COL5A2: variants seen among roughly 807,000 people sequenced by gnomAD.
The protein encoded by COL5A2 is collagen type V alpha 2 chain.
In COL5A2, 23 loss-of-function variants were observed where a neutral mutation model predicts 208.2. The observed-to-expected ratio is 0.11, with a 90% CI of 0.08 to 0.16. The LOEUF is 0.16. COL5A2 is among the 10% of genes least tolerant of loss of function. The pLI is 1.00. For synonymous variants in COL5A2, 625 were observed against 628.5 expected, an observed-to-expected ratio of 0.99 and a Z score of 0.08; for missense variants, 1,590 against 1,956.4, an observed-to-expected ratio of 0.81 and a Z score of 3.53.
At chr2:189,045,255 A>G in intron 46 of COL5A2, 23 bp from the exon 47 acceptor site, 1 of 1,575,544 alleles carries the variant, frequency 6.3e-7, no homozygotes, top group Non-Finnish European at 8.7e-7. Context: ...TACAACAAAA[A>G]AAATTGGCAT....
At chr2:189,314,582 A>T in the COL5A2 span, among the ~76,000 whole-genome samples, 1 of 152,130 alleles carries the variant, frequency 6.6e-6, no homozygotes, top group Non-Finnish European at 1.5e-5. Context: ...AAATAACCAA[A>T]AACACAGCTG....
intron 41 of COL5A2, among the ~76,000 whole-genome samples, chr2:189,051,800 T>C (rs988999217): frequency 6.6e-6 from 1 of 152,246 alleles, no homozygotes; most frequent in Non-Finnish European, 1.5e-5. Flanking sequence ...AATACTTTAT[T>C]CTGAGATAAT....
intron 17 of COL5A2, among the ~76,000 whole-genome samples, chr2:189,073,629 T>A (rs1218141172): frequency 6.6e-6 from 1 of 152,146 alleles, no homozygotes; most frequent in African/African-American, 2.4e-5. Flanking sequence ...ACATGATGCC[T>A]ACAATATAAG....
At chr2:189,168,014 C>T (rs904140096) in intron 1 of COL5A2, among the ~76,000 whole-genome samples, 6 of 150,122 alleles carry the variant, frequency 4.0e-5, no homozygotes, top group East Asian at 2.0e-4. Flanking sequence ...CTCGGCTCAC[C>T]GCAAGCTCCG....
At chr2:189,361,341 C>A in the COL5A2 span, among the ~76,000 whole-genome samples, 3 of 152,050 alleles carry the variant, frequency 2.0e-5, no homozygotes, top group Non-Finnish European at 2.9e-5. Flanking sequence ...GCTGTGCTGA[C>A]CCCTTCATTA....
chr2:189,103,693 C>T (rs1687094497), intron 3 of COL5A2, among the ~76,000 whole-genome samples: 1 of 152,026 alleles, frequency 6.6e-6, no homozygotes, highest in South Asian at 2.1e-4. Flanking sequence ...AAGTGTAAAG[C>T]TTGTGTCCAG....
intron 46 of COL5A2, 110 bp from the exon 47 acceptor site, chr2:189,045,342 G>A (rs75005970): frequency 6.6e-4 from 156 of 235,138 alleles, no homozygotes; most frequent in South Asian, 1.2e-3. Flanking sequence ...ATATATATAT[G>A]TGTGTGTGTG....
At chr2:189,370,224 T>C in the COL5A2 span, among the ~76,000 whole-genome samples, 1 of 152,184 alleles carries the variant, frequency 6.6e-6, no homozygotes, top group African/African-American at 2.4e-5. Flanking sequence ...CAATGAGTTA[T>C]GAAGTCTAAG....
chr2:189,152,615 GA>G (rs1688167120), intron 1 of COL5A2, among the ~76,000 whole-genome samples: 3 of 152,160 alleles, frequency 2.0e-5, no homozygotes, highest in Non-Finnish European at 2.9e-5. Context: ...CACCCCCTGG[GA>G]AAATAGTTGC....
chr2:189,292,990 A>G, the COL5A2 span, among the ~76,000 whole-genome samples: 1 of 152,116 alleles, frequency 6.6e-6, no homozygotes, highest in Non-Finnish European at 1.5e-5. Context: ...CATTCTCAGT[A>G]AACTACCGCA....
upstream of COL5A2, among the ~76,000 whole-genome samples, chr2:189,225,664 G>T (rs1173284916): frequency 6.6e-6 from 1 of 151,666 alleles, no homozygotes; most frequent in Non-Finnish European, 1.5e-5. Flanking sequence ...TTCCAGCTAT[G>T]AAAAATAAGA....
chr2:189,295,598 G>A, the COL5A2 span, among the ~76,000 whole-genome samples: 57 of 152,176 alleles, frequency 3.7e-4, no homozygotes, highest in African/African-American at 1.3e-3. Flanking sequence ...CTGGGTGACC[G>A]AATGAGACTC....
At chr2:189,075,294 G>A (rs1686380471) in intron 17 of COL5A2, 99 bp downstream of exon 17, 1 of 825,084 alleles carries the variant, frequency 1.2e-6, no homozygotes, top group Non-Finnish European at 2.1e-6. Flanking sequence ...TATTCCAAGT[G>A]TCTGGCATGT....
At chr2:189,244,480 C>T in the COL5A2 span, among the ~76,000 whole-genome samples, 4,468 of 152,222 alleles carry the variant, frequency 0.029, 76 homozygotes, top group Admixed American at 0.046. Flanking sequence ...GCTCCAGGTC[C>T]CAACAAGTTC....
the COL5A2 span, among the ~76,000 whole-genome samples, chr2:189,240,188 C>A: frequency 6.6e-6 from 1 of 152,178 alleles, no homozygotes; most frequent in African/African-American, 2.4e-5. Context: ...GGTCAGGCTG[C>A]TATAACAAAA....
intron 1 of COL5A2, among the ~76,000 whole-genome samples, chr2:189,111,681 T>C (rs1405965886): frequency 6.6e-6 from 1 of 152,168 alleles, no homozygotes; most frequent in Non-Finnish European, 1.5e-5. Context: ...ATTCATTGTG[T>C]ATTATATGCT....
rs1175370532 is a variant in COL5A2 at position 189,094,588 on chromosome 2, G to GACACACACACACACACACACACACAC, written c.457-2194_457-2169dup. Among the ~76,000 whole-genome samples, 32 of 11,686 alleles carry GACACACACACACACACACACACACAC rather than the reference G, an allele frequency of 2.7e-3. 4 individuals carry two copies. Among genetic ancestry groups the GACACACACACACACACACACACACAC allele is most frequent in the East Asian group, 6.8e-3 (2 of 296 alleles). The allele number at this position is 11,686 out of a possible 152,430, so 7.7% of individuals were successfully genotyped here. A position where few individuals can be genotyped will look rare whatever the true frequency, so the allele number is the denominator to read the frequency against. On this transcript the variant is annotated intron_variant, in intron 6 of 53. Coordinates refer to ENST00000374866, the MANE Select transcript of COL5A2 (RefSeq NM_000393.5). ...TTTCTCTCTCTCTCTCTTTCTCTCT[G>GACACACACACACACACACACACACAC]ACACACACACACACACACACACACA...
chr2:189,238,869 G>C, the COL5A2 span, among the ~76,000 whole-genome samples: 1 of 152,094 alleles, frequency 6.6e-6, no homozygotes, highest in African/African-American at 2.4e-5. Flanking sequence ...TCTAATTCGA[G>C]ATAAGATTTG....
intron 43 of COL5A2, among the ~76,000 whole-genome samples, chr2:189,050,329 T>C (rs561149921): frequency 6.6e-6 from 1 of 152,264 alleles, no homozygotes; most frequent in African/African-American, 2.4e-5. Context: ...TCACCAAAAA[T>C]CCATATCCTT....
Sources: allele counts gnomAD v4.1 joint callset (sites outside exome capture counted in the v4.1 genomes callset), GRCh38; gene constraint gnomAD v4.1.1; transcripts MANE v1.5; gene names NCBI Gene and HGNC (gene_info 2026-07-23, HGNC 2026-07-21).